ARMC2: variants seen among roughly 807,000 people sequenced by gnomAD.
The protein encoded by ARMC2 is armadillo repeat-containing protein 2.
ARMC2 carries 67 observed loss-of-function variants against 90.3 expected under a neutral mutation model. The ratio of observed to expected loss-of-function variants is 0.74; its 90% CI spans 0.61 to 0.91. The LOEUF is 0.91. ARMC2 is among the 40% of genes least tolerant of loss of function. ARMC2 has a pLI of 0.00. For missense variants in ARMC2, 920 were observed against 1,030.9 expected (o/e 0.89, Z 1.47); for synonymous variants, 393 against 393.0 (o/e 1.00, Z 0.00).
chr6:108,874,923 G>A (rs1776790531), intron 4 of ARMC2, among the ~76,000 whole-genome samples: 1 of 152,094 alleles, frequency 6.6e-6, no homozygotes, highest in Non-Finnish European at 1.5e-5. Flanking sequence ...TGGTCAGAGG[G>A]GTAGAATAGG....
intron 13 of ARMC2, among the ~76,000 whole-genome samples, chr6:108,959,095 A>C (rs1777799626): frequency 6.6e-6 from 1 of 152,240 alleles, no homozygotes; most frequent in Admixed American, 6.5e-5. Flanking sequence ...AAAAAGAGGA[A>C]GTCAGGTCTT....
the ARMC2 span, among the ~76,000 whole-genome samples, chr6:109,051,473 T>G: frequency 6.6e-6 from 1 of 152,188 alleles, no homozygotes; most frequent in Non-Finnish European, 1.5e-5. Context: ...AATGTAACCC[T>G]TTAAGGAATG....
chr6:109,029,039 C>G, the ARMC2 span, among the ~76,000 whole-genome samples: 1 of 152,140 alleles, frequency 6.6e-6, no homozygotes. Context: ...TTCATGCCTA[C>G]TCTGAAACAG....
chr6:109,037,265 T>C, the ARMC2 span, among the ~76,000 whole-genome samples: 533 of 152,336 alleles, frequency 3.5e-3, 4 homozygotes, highest in Non-Finnish European at 4.7e-3. Context: ...AAAATGTCCA[T>C]TAAGGTTATA....
chr6:108,922,659 C>T (rs1412704684), intron 10 of ARMC2, among the ~76,000 whole-genome samples: 3 of 152,064 alleles, frequency 2.0e-5, no homozygotes, highest in Non-Finnish European at 4.4e-5. Flanking sequence ...AATGGGTCTC[C>T]CAATACTGAC....
At chr6:109,046,898 T>C in the ARMC2 span, among the ~76,000 whole-genome samples, 1 of 123,968 alleles carries the variant, frequency 8.1e-6, no homozygotes, top group Admixed American at 7.8e-5. Flanking sequence ...AGCTGCCCCG[T>C]CTGAGAAGTG....
At chr6:108,885,891 G>T (rs1778047568) in intron 5 of ARMC2, among the ~76,000 whole-genome samples, 1 of 152,122 alleles carries the variant, frequency 6.6e-6, no homozygotes, top group Non-Finnish European at 1.5e-5. Context: ...GCCTGTTTTT[G>T]TAAATAAACT....
intron 3 of ARMC2, among the ~76,000 whole-genome samples, chr6:108,859,521 G>C (rs1774996530): frequency 6.6e-6 from 1 of 152,036 alleles, no homozygotes; most frequent in Non-Finnish European, 1.5e-5. Flanking sequence ...CTAGTGTTCT[G>C]AAATTTAATA....
At chr6:109,044,018 T>C in the ARMC2 span, among the ~76,000 whole-genome samples, 1 of 151,972 alleles carries the variant, frequency 6.6e-6, no homozygotes, top group African/African-American at 2.4e-5. Context: ...GTCAACTTAT[T>C]GTTAACAAAG....
At chr6:108,938,520 A>G (rs2128493817) in intron 12 of ARMC2, among the ~76,000 whole-genome samples, 1 of 150,668 alleles carries the variant, frequency 6.6e-6, no homozygotes, top group Non-Finnish European at 1.5e-5. Flanking sequence ...TGTTATACTC[A>G]AAAGAGATCT....
chr6:109,043,622 G>T, the ARMC2 span, among the ~76,000 whole-genome samples: 15,268 of 151,974 alleles, frequency 0.1, 936 homozygotes, highest in Middle Eastern at 0.19. Flanking sequence ...CAATAAAAAA[G>T]AAAATAGGCA....
chr6:108,868,988 C>T lies in ARMC2; in HGVS notation c.456C>T (p.Pro152=), dbSNP rs781134438. 1 of 1,611,248 alleles carries T rather than the reference C, an allele frequency of 6.2e-7. No homozygotes were observed. Among genetic ancestry groups the T allele is most frequent in the Non-Finnish European group, 8.5e-7 (1 of 1,178,798 alleles). The change falls in exon 4 of 18, where the codon CCC becomes CCT. Residue 152 remains proline (P), a synonymous_variant. Transcript: ENST00000392644. ...TTCTGCCGGACAGATCCCTTCCTCC[C>T]TCCGACTGTAAGGCCATGTAACATC... The part of the protein sequence containing the change: ...RALLPDRSLP[P]SDSKKTVESK...
chr6:108,914,971 A>G (rs1396440583), intron 10 of ARMC2, among the ~76,000 whole-genome samples: 1 of 149,196 alleles, frequency 6.7e-6, no homozygotes, highest in East Asian at 2.0e-4. Flanking sequence ...TTTCTTTTTG[A>G]GACAGAGTTT....
chr6:108,877,264 C>T (rs1161369147), intron 5 of ARMC2, among the ~76,000 whole-genome samples: 1 of 152,196 alleles, frequency 6.6e-6, no homozygotes, highest in African/African-American at 2.4e-5. Context: ...CGTTAGATTT[C>T]GGGTCTGACT....
the ARMC2 span, among the ~76,000 whole-genome samples, chr6:109,016,854 C>T: frequency 9.9e-5 from 15 of 151,956 alleles, no homozygotes; most frequent in Non-Finnish European, 1.8e-4. Context: ...ATATGATTTT[C>T]TTAATTTTTG....
chr6:108,850,816 C>T (rs1393285096), intron 1 of ARMC2, among the ~76,000 whole-genome samples: 1 of 152,126 alleles, frequency 6.6e-6, no homozygotes. Flanking sequence ...CGGGCCAACA[C>T]CACATGTACA....
chr6:108,948,025 G>A (rs973692328), intron 12 of ARMC2, among the ~76,000 whole-genome samples: 2 of 152,180 alleles, frequency 1.3e-5, no homozygotes, highest in Non-Finnish European at 2.9e-5. Flanking sequence ...GCTGCATATT[G>A]ATGAAATCCT....
At chr6:108,893,753 AT>A (rs574251826) in intron 5 of ARMC2, among the ~76,000 whole-genome samples, 1,963 of 152,384 alleles carry the variant, frequency 0.013, 22 homozygotes, top group Non-Finnish European at 0.021. Context: ...GTGGTGGCCC[AT>A]GCCTGTAATC....
chr6:108,932,516 C>T (rs1163374952), intron 11 of ARMC2, among the ~76,000 whole-genome samples: 7 of 77,888 alleles, frequency 9.0e-5, no homozygotes, highest in African/African-American at 2.4e-4. Flanking sequence ...TTCTCCATTG[C>T]TTTTTTTTTT....
Sources: allele counts gnomAD v4.1 joint callset (sites outside exome capture counted in the v4.1 genomes callset), GRCh38; gene constraint gnomAD v4.1.1; transcripts MANE v1.5; gene names NCBI Gene and HGNC (gene_info 2026-07-23, HGNC 2026-07-21).